The following RALGPS1 variants were observed in gnomAD, a reference collection of about 807,000 sequenced individuals.
The protein encoded by RALGPS1 is ras-specific guanine nucleotide-releasing factor RalGPS1.
RALGPS1 carries 19 observed loss-of-function variants against 78.8 expected under a neutral mutation model. The observed-to-expected ratio is 0.24, with a 90% CI of 0.17 to 0.35. RALGPS1 has a LOEUF of 0.35. Ranked by LOEUF, RALGPS1 falls within the 10% of genes least tolerant of loss-of-function variation. RALGPS1 has a pLI of 1.00. For missense variants in RALGPS1, 454 were observed against 688.3 expected, an observed-to-expected ratio of 0.66 and a Z score of 3.81; for synonymous variants, 228 against 256.3, an observed-to-expected ratio of 0.89 and a Z score of 1.06.
chr9:127,025,560 T>C (rs1265682649), intron 4 of RALGPS1, among the ~76,000 whole-genome samples: 1 of 152,240 alleles, frequency 6.6e-6, no homozygotes, highest in Non-Finnish European at 1.5e-5. Flanking sequence ...CTTTTTGCGA[T>C]GATTGAATTA....
At chr9:127,118,761 C>A (rs1255559776) in intron 8 of RALGPS1, among the ~76,000 whole-genome samples, 1 of 152,232 alleles carries the variant, frequency 6.6e-6, no homozygotes, top group Non-Finnish European at 1.5e-5. Context: ...GAGCCCCTCC[C>A]CCATCTGCCT....
At chr9:127,112,672 C>G (rs12343019) in intron 8 of RALGPS1, among the ~76,000 whole-genome samples, 12,481 of 152,316 alleles carry the variant, frequency 0.082, 1,691 homozygotes, top group African/African-American at 0.28. Context: ...ATCCAACCCA[C>G]CTTGCACACT....
chr9:127,162,369 C>T (rs758114143), intron 8 of RALGPS1, among the ~76,000 whole-genome samples: 1 of 152,188 alleles, frequency 6.6e-6, no homozygotes, highest in Admixed American at 6.5e-5. Context: ...GGTGGTTATT[C>T]TTACGATTTC....
chr9:127,206,931 C>T (rs1363800174), intron 14 of RALGPS1, among the ~76,000 whole-genome samples: 1 of 152,134 alleles, frequency 6.6e-6, no homozygotes, highest in Admixed American at 6.5e-5. Flanking sequence ...TGCCTCTTCC[C>T]AGTGTCGTGA....
chr9:127,212,215 C>A lies in RALGPS1; in HGVS notation c.1332C>A (p.Leu444=). Residue 444 remains leucine, a synonymous_variant, in exon 15 of 19, where the codon CTC becomes CTA. Transcript: ENST00000259351. The surrounding 1 kb of genome is among the most constrained non-coding windows in gnomAD (Gnocchi z 6.0). ...MEGPLRRKTL[L]KEGRKPALSS... is the part of the protein sequence containing the mutation. ...GGCCTCTGAGAAGAAAAACCCTGCTCAAGGAAGGGCGGAAGCCTGCGGTAA... is the reference window on the plus strand; with the variant it reads ...GGCCTCTGAGAAGAAAAACCCTGCTAAAGGAAGGGCGGAAGCCTGCGGTAA... 6.2e-7 allele frequency: 1 copy of A among 1,613,664 alleles called. No individual in the cohort carries two copies.
At chr9:127,060,509 CTGTTGTTGT>C (rs35010607) in intron 7 of RALGPS1, among the ~76,000 whole-genome samples, 118 of 150,872 alleles carry the variant, frequency 7.8e-4, no homozygotes, top group East Asian at 1.9e-3. Flanking sequence ...TAAGTATTAC[CTGTTGTTGT>C]TGTTGTTGTT....
chr9:127,083,962 G>A (rs2051421716), intron 8 of RALGPS1, among the ~76,000 whole-genome samples: 3 of 152,088 alleles, frequency 2.0e-5, no homozygotes, highest in African/African-American at 7.2e-5. Context: ...CAGGCCTGGA[G>A]TGTGGTGGCA....
intron 1 of RALGPS1, among the ~76,000 whole-genome samples, chr9:126,950,182 T>C (rs2037679851): frequency 6.6e-6 from 1 of 152,228 alleles, no homozygotes; most frequent in Non-Finnish European, 1.5e-5. Flanking sequence ...TATCTCTGTT[T>C]TGGTACCAGT....
At chr9:126,987,619 G>A (rs1250842986) in intron 4 of RALGPS1, among the ~76,000 whole-genome samples, 2 of 152,260 alleles carry the variant, frequency 1.3e-5, no homozygotes, top group Non-Finnish European at 2.9e-5. Flanking sequence ...TGATAGAAAC[G>A]AACTGCAGTG....
intron 8 of RALGPS1, among the ~76,000 whole-genome samples, chr9:127,161,796 T>C (rs2139456032): frequency 6.6e-6 from 1 of 152,298 alleles, no homozygotes; most frequent in South Asian, 2.1e-4. Context: ...GAACCGCCCA[T>C]AGACAACCTG....
At chr9:126,944,792 C>A (rs1365941129) in intron 1 of RALGPS1, among the ~76,000 whole-genome samples, 2 of 152,146 alleles carry the variant, frequency 1.3e-5, no homozygotes, top group African/African-American at 4.8e-5. Context: ...CCCACAGTGT[C>A]CCTTTTCTGT....
At chr9:126,949,151 T>C (rs2037564022) in intron 1 of RALGPS1, among the ~76,000 whole-genome samples, 1 of 152,262 alleles carries the variant, frequency 6.6e-6, no homozygotes, top group Non-Finnish European at 1.5e-5. Context: ...CTCATCATTT[T>C]TTATGACTGC....
chr9:127,192,573 T>C (rs981704562), intron 11 of RALGPS1, among the ~76,000 whole-genome samples: 6 of 151,930 alleles, frequency 3.9e-5, no homozygotes, highest in African/African-American at 7.3e-5. Context: ...TTGCTTGAGC[T>C]GGTGAGCCGG....
intron 14 of RALGPS1, among the ~76,000 whole-genome samples, chr9:127,203,579 C>A (rs963208650): frequency 2.0e-5 from 3 of 151,570 alleles, no homozygotes; most frequent in Non-Finnish European, 4.4e-5. Context: ...GGAAGTGAGG[C>A]TGGGGCAGGG....
chr9:126,958,025 C>T (rs986916592), intron 1 of RALGPS1, among the ~76,000 whole-genome samples: 1 of 150,782 alleles, frequency 6.6e-6, no homozygotes, highest in African/African-American at 2.4e-5. Flanking sequence ...GTAATCCCAA[C>T]TGCATGGGAG....
chr9:127,003,204 G>A (rs1037348573), intron 4 of RALGPS1, among the ~76,000 whole-genome samples: 21 of 152,196 alleles, frequency 1.4e-4, no homozygotes, highest in Admixed American at 5.9e-4. Flanking sequence ...TTGACAAATG[G>A]GATCTAATTA....
chr9:127,004,417 A>G (rs1465455263), intron 4 of RALGPS1, among the ~76,000 whole-genome samples: 2 of 152,246 alleles, frequency 1.3e-5, no homozygotes, highest in Non-Finnish European at 2.9e-5. Flanking sequence ...AAGTGTTGGG[A>G]TTATAGGCAT....
At chr9:127,167,252 C>T (rs574333567) in intron 9 of RALGPS1, among the ~76,000 whole-genome samples, 1 of 152,326 alleles carries the variant, frequency 6.6e-6, no homozygotes, top group African/African-American at 2.4e-5. Flanking sequence ...CCAGCCCCTC[C>T]ACAGCATCCC....
chr9:127,160,208 A>G (rs2058942818), intron 8 of RALGPS1, among the ~76,000 whole-genome samples: 1 of 152,152 alleles, frequency 6.6e-6, no homozygotes. Flanking sequence ...GCCATCGAGT[A>G]TGGGTGTCCC....
Sources: gnomAD v4.1 joint callset for allele counts (sites outside exome capture counted in the v4.1 genomes callset) on GRCh38, gnomAD v4.1.1 for gene constraint, Gnocchi (gnomAD v3.1) non-coding constraint, MANE v1.5 for transcripts, NCBI Gene and HGNC (gene_info 2026-07-23, HGNC 2026-07-21) for gene names.